The following ACAA2 variants were observed in gnomAD, a reference collection of about 807,000 sequenced individuals.
ACAA2 encodes the protein 3-ketoacyl-CoA thiolase, mitochondrial.
Under a neutral mutation model 44.8 loss-of-function variants are expected in ACAA2, and 35 were observed. The ratio of observed to expected loss-of-function variants is 0.78; its 90% CI spans 0.60 to 1.04. The LOEUF is 1.04. Ranked by LOEUF, ACAA2 falls within the 50% of genes least tolerant of loss-of-function variation. The probability of loss-of-function intolerance (pLI) is 0.00; values close to 1 mark genes in which losing one functional copy is unlikely to be tolerated. For synonymous variants in ACAA2, 142 were observed against 166.5 expected, an observed-to-expected ratio of 0.85 and a Z score of 1.13; for missense variants, 468 against 482.6, an observed-to-expected ratio of 0.97 and a Z score of 0.28.
chr18:49,809,408 C>T (rs2023644665), intron 1 of ACAA2, among the ~76,000 whole-genome samples: 1 of 152,200 alleles, frequency 6.6e-6, no homozygotes. Context: ...TCCATGAAAT[C>T]TTCACAATTT....
At chr18:49,797,658 G>T in intron 2 of ACAA2, 64 bp from the exon 3 acceptor site, 1 of 1,323,564 alleles carries the variant, frequency 7.6e-7, no homozygotes, top group Non-Finnish European at 1.0e-6. Context: ...GAACAAGCAC[G>T]AAATACATGG....
intron 5 of ACAA2, 124 bp from the exon 6 acceptor site, chr18:49,792,451 T>G: frequency 1.1e-6 from 1 of 925,188 alleles, no homozygotes; most frequent in Non-Finnish European, 1.6e-6. Context: ...TATTGAGTCT[T>G]TATTAATTTT....
At chr18:49,788,528 T>C (rs1191391342) in intron 7 of ACAA2, among the ~76,000 whole-genome samples, 1 of 152,220 alleles carries the variant, frequency 6.6e-6, no homozygotes, top group East Asian at 1.9e-4. Flanking sequence ...CTACAGCTAC[T>C]GATTTACTAC....
chr18:49,790,290 G>C lies in ACAA2; in HGVS notation c.883+1180C>G, dbSNP rs1188235948. Among the ~76,000 whole-genome samples, 3 of 152,188 alleles carry C rather than the reference G, an allele frequency of 2.0e-5. 1 individual carries two copies. Among genetic ancestry groups the C allele is most frequent in the Admixed American group, 2.0e-4 (3 of 15,280 alleles). ...AAGATGACAAAATATGAACATGCCA[G>C]CTTTTTTTCTTAGGAACTCTATACA... On this transcript the variant is annotated intron_variant, in intron 7 of 9. Transcript: ENST00000285093.
intron 2 of ACAA2, among the ~76,000 whole-genome samples, chr18:49,800,589 G>T (rs1207353874): frequency 1.3e-5 from 2 of 152,182 alleles, no homozygotes; most frequent in African/African-American, 4.8e-5. Flanking sequence ...GTTGATCTGT[G>T]ACCTTACCCC....
chr18:49,795,833 T>C lies in ACAA2; in HGVS notation c.361A>G (p.Ser121Gly). 4 of 1,612,454 alleles carry C rather than the reference T, an allele frequency of 2.5e-6. No homozygotes were observed. Among genetic ancestry groups the C allele is most frequent in the Non-Finnish European group, 3.4e-6 (4 of 1,179,112 alleles). Residue 121 changes from serine to glycine, a missense_variant, in exon 4 of 10, where the codon AGC becomes GGC. Physicochemically the swap from Ser to Gly is moderately conservative, Grantham distance 56 (BLOSUM62 0). Transcript: ENST00000285093. The stretch of plus-strand genomic sequence containing the variant: ...ACACAGTAGGGAGCTTGGCTCATGC[T>C]TTCGGTTCCTCCACATAAAACAACT... ...AEVVLCGGTE[S>G]MSQAPYCVRN... is the part of the protein sequence containing the mutation.
At chr18:49,798,365 G>C (rs1242409558) in intron 2 of ACAA2, among the ~76,000 whole-genome samples, 3 of 152,002 alleles carry the variant, frequency 2.0e-5, no homozygotes, top group Non-Finnish European at 4.4e-5. Context: ...TAAAATGTAA[G>C]TTCTGAATCA....
chr18:49,792,045 G>T, intron 6 of ACAA2, 107 bp downstream of exon 6: 1 of 864,538 alleles, frequency 1.2e-6, no homozygotes, highest in Non-Finnish European at 1.7e-6. Context: ...ATTAGTTTAA[G>T]CTAAACAACT....
intron 2 of ACAA2, among the ~76,000 whole-genome samples, chr18:49,801,944 C>T (rs1214065628): frequency 2.0e-5 from 3 of 151,896 alleles, no homozygotes; most frequent in Non-Finnish European, 4.4e-5. Flanking sequence ...TTTCAATTAC[C>T]TGCATATGAA....
chr18:49,806,922 A>G (rs960021436), intron 1 of ACAA2, among the ~76,000 whole-genome samples: 7 of 152,194 alleles, frequency 4.6e-5, no homozygotes, highest in Admixed American at 4.6e-4. Context: ...ATAAATAGAA[A>G]TTAACCAATC....
chr18:49,788,870 AAGGAGACCTT>A lies in ACAA2; in HGVS notation c.884-1519_884-1510del, dbSNP rs544907265. Among the ~76,000 whole-genome samples the A allele has an allele frequency of 6.2e-3, 942 of 152,304 alleles. 37 individuals are homozygous for A. The South Asian group carries it at 0.12, about 19-fold the overall frequency. ...GAAGGTTTAGTATTCTTGTTAGGAA[AAGGAGACCTT>A]ATTTCTAGTCCTGGTTCCTGTCACT... is the stretch of plus-strand genomic sequence containing the variant. On this transcript the variant is annotated intron_variant, in intron 7 of 9. Transcript: ENST00000285093.
Position 49,787,260 on chromosome 18 carries a change from T to TTAAA in ACAA2, c.954+30_954+31insTTTA. On this transcript the variant is annotated intron_variant, in intron 8 of 9. Coordinates refer to ENST00000285093, the MANE Select transcript of ACAA2 (RefSeq NM_006111.3). ...AAAGTACATGGTTTATTCATGTTGT[T>TTAAA]AAAAAAAAAAAAAAAAAAAAAAACA... The TTAAA allele has an allele frequency of 2.0e-5, 20 of 1,023,524 alleles. No individual in the cohort carries two copies. In the South Asian group the frequency reaches 3.4e-4, roughly 17 times the overall value. The allele number at this position is 1,023,524 out of a possible 1,614,324, so 63.4% of individuals were successfully genotyped here. A position where few individuals can be genotyped will look rare whatever the true frequency, so the allele number is the denominator to read the frequency against.
chr18:49,798,605 T>C (rs537696708), intron 2 of ACAA2, among the ~76,000 whole-genome samples: 3 of 152,294 alleles, frequency 2.0e-5, no homozygotes, highest in South Asian at 4.1e-4. Context: ...AGGATGTTCA[T>C]TGTACTATTC....
At chr18:49,804,207 C>T (rs1246094386) in intron 1 of ACAA2, among the ~76,000 whole-genome samples, 2 of 152,068 alleles carry the variant, frequency 1.3e-5, no homozygotes, top group Admixed American at 6.6e-5. Context: ...CACCCACTCC[C>T]GGCCCCAACG....
At chr18:49,788,477 A>T (rs973933193) in intron 7 of ACAA2, among the ~76,000 whole-genome samples, 8 of 152,238 alleles carry the variant, frequency 5.3e-5, no homozygotes, top group African/African-American at 1.9e-4. Context: ...CAGTTAATGC[A>T]CTTCAATTTA....
intron 3 of ACAA2, among the ~76,000 whole-genome samples, chr18:49,797,265 C>CTTTTTTT (rs11392686): frequency 3.5e-5 from 5 of 143,798 alleles, no homozygotes; most frequent in Non-Finnish European, 4.5e-5. Context: ...TCATTATTAG[C>CTTTTTTT]TTTTTTTTTT....
chr18:49,810,436 C>A, intron 1 of ACAA2, among the ~76,000 whole-genome samples: 1 of 152,256 alleles, frequency 6.6e-6, no homozygotes, highest in Middle Eastern at 3.4e-3. Flanking sequence ...CTTTTATGAA[C>A]TTCTCCCCTA....
intron 1 of ACAA2, among the ~76,000 whole-genome samples, chr18:49,803,239 A>AAGTAAT (rs1555790919): frequency 1.4e-5 from 2 of 142,386 alleles, no homozygotes; most frequent in East Asian, 4.1e-4. Context: ...CTGGTAGTTA[A>AAGTAAT]AATAATAATA....
At chr18:49,793,639 T>G (rs1424988200) in intron 5 of ACAA2, among the ~76,000 whole-genome samples, 1 of 152,240 alleles carries the variant, frequency 6.6e-6, no homozygotes, top group African/African-American at 2.4e-5. Context: ...AAATAAGAGT[T>G]TCCACTTGCT....
Sources: allele counts gnomAD v4.1 joint callset (sites outside exome capture counted in the v4.1 genomes callset), GRCh38; gene constraint gnomAD v4.1.1; transcripts MANE v1.5; gene names NCBI Gene and HGNC (gene_info 2026-07-23, HGNC 2026-07-21).